The following PALS1 variants were observed in gnomAD, a reference collection of about 807,000 sequenced individuals.
The protein encoded by PALS1 is protein associated with LIN7 1, MAGUK p55 family member, also known as protein PALS1.
PALS1 carries 31 observed loss-of-function variants against 78.9 expected under a neutral mutation model. That is an observed-to-expected ratio of 0.39 (90% CI 0.30 to 0.53). The LOEUF is 0.53. Ranked by LOEUF, PALS1 falls within the 20% of genes least tolerant of loss-of-function variation. PALS1 has a pLI of 0.67. For missense variants in PALS1, 704 were observed against 826.5 expected (o/e 0.85, Z 1.82); for synonymous variants, 276 against 270.9 (o/e 1.02, Z -0.18).
At chr14:67,307,108 A>G (rs945315316) in intron 8 of PALS1, among the ~76,000 whole-genome samples, 1 of 152,236 alleles carries the variant, frequency 6.6e-6, no homozygotes, top group Non-Finnish European at 1.5e-5. Flanking sequence ...TATCACACAT[A>G]GCAATCAGTG....
At chr14:67,255,258 T>C (rs2140467068) in intron 1 of PALS1, among the ~76,000 whole-genome samples, 1 of 152,302 alleles carries the variant, frequency 6.6e-6, no homozygotes, top group South Asian at 2.1e-4. Context: ...AAAATCTGCA[T>C]GGAGTACATT....
At chr14:67,258,885 A>G (rs879083468) in intron 1 of PALS1, among the ~76,000 whole-genome samples, 11 of 152,042 alleles carry the variant, frequency 7.2e-5, no homozygotes, top group Non-Finnish European at 1.5e-4. Context: ...TCTGTTTCCC[A>G]GGCTAGAGTG....
chr14:67,302,245 T>G, intron 6 of PALS1, 127 bp downstream of exon 6: 1 of 1,192,346 alleles, frequency 8.4e-7, no homozygotes, highest in Non-Finnish European at 1.1e-6. Flanking sequence ...GGGGAAATGG[T>G]CAACTTTTAA....
rs1316763157 is a variant in PALS1 at position 67,334,275 on chromosome 14, A to G, written c.*1319A>G. 2.0e-5 allele frequency: 3 copies of G among 152,646 alleles called. No homozygotes were observed. Among genetic ancestry groups the G allele is most frequent in the African/African-American group, 7.2e-5 (3 of 41,462 alleles). 9.5% of individuals were successfully genotyped at this position (152,646 alleles called of 1,614,324 possible). On this transcript the variant is annotated 3_prime_UTR_variant, in exon 15 of 15. Coordinates refer to ENST00000261681, the MANE Select transcript of PALS1 (RefSeq NM_022474.4). ...CTAATAGGATTTTCGTACTGTCTCTATAGCTGTAGCTTTAAAATTCAACGT... is the reference window on the plus strand; with the variant it reads ...CTAATAGGATTTTCGTACTGTCTCTGTAGCTGTAGCTTTAAAATTCAACGT...
At chr14:67,317,543 T>G in intron 11 of PALS1, 64 bp downstream of exon 11, 1 of 1,132,964 alleles carries the variant, frequency 8.8e-7, no homozygotes, top group Non-Finnish European at 1.3e-6. Context: ...TAGTCCTGTT[T>G]TGCACCTTAA....
At chr14:67,267,062 T>C (rs911254681) in intron 1 of PALS1, among the ~76,000 whole-genome samples, 1 of 151,824 alleles carries the variant, frequency 6.6e-6, no homozygotes, top group Non-Finnish European at 1.5e-5. Context: ...GAGCCAAGAT[T>C]GTGCCACTGC....
rs2085525908 is a variant in PALS1, at chr14:67,335,946, T to TTTGA, written c.*2993_*2996dup. 2 of 152,206 alleles carry TTTGA rather than the reference T, an allele frequency of 1.3e-5. No individual in the cohort carries two copies. The highest frequency in any genetic ancestry group is 2.9e-5 in the Non-Finnish European group (2 of 68,052). 9.4% of individuals were successfully genotyped at this position (152,206 alleles called of 1,614,324 possible). The stretch of plus-strand genomic sequence containing the variant: ...CCTCCAGCTACAACACAAAATACTT[T>TTTGA]TTGATTTGTTCTTTACAGAGGGATA... On this transcript the variant is annotated 3_prime_UTR_variant, in exon 15 of 15. Coordinates refer to ENST00000261681, the MANE Select transcript of PALS1 (RefSeq NM_022474.4).
intron 14 of PALS1, among the ~76,000 whole-genome samples, chr14:67,329,352 G>T (rs544326793): frequency 1.3e-5 from 2 of 152,150 alleles, no homozygotes. Flanking sequence ...TGCTGAAGTT[G>T]CTTATCAGCT....
chr14:67,329,034 T>TGG (rs1237889958), intron 14 of PALS1, among the ~76,000 whole-genome samples: 1 of 152,216 alleles, frequency 6.6e-6, no homozygotes, highest in Admixed American at 6.5e-5. Context: ...GGTAGCTTGA[T>TGG]GGGGATGGCA....
chr14:67,280,752 T>A (rs28522922), intron 3 of PALS1, among the ~76,000 whole-genome samples: 23,268 of 151,494 alleles, frequency 0.15, 3,395 homozygotes, highest in East Asian at 0.42. Flanking sequence ...TATGCCAGAT[T>A]TGTTCCTCAT....
chr14:67,325,215 C>T (rs2085333644), intron 14 of PALS1, among the ~76,000 whole-genome samples: 1 of 152,090 alleles, frequency 6.6e-6, no homozygotes, highest in African/African-American at 2.4e-5. Context: ...TCCTTTCATT[C>T]TTGACTGTCC....
chr14:67,275,281 T>G (rs2084483964), intron 2 of PALS1, among the ~76,000 whole-genome samples: 2 of 152,234 alleles, frequency 1.3e-5, no homozygotes, highest in South Asian at 4.1e-4. Flanking sequence ...CTTATTATTT[T>G]GAGATACATT....
chr14:67,288,617 C>T (rs114127099), intron 3 of PALS1, among the ~76,000 whole-genome samples: 1 of 152,078 alleles, frequency 6.6e-6, no homozygotes, highest in Non-Finnish European at 1.5e-5. Context: ...TTTATAATTT[C>T]TTTTTCTTAT....
intron 1 of PALS1, among the ~76,000 whole-genome samples, chr14:67,242,650 T>A (rs1210919877): frequency 6.6e-6 from 1 of 152,018 alleles, no homozygotes; most frequent in Non-Finnish European, 1.5e-5. Flanking sequence ...ACTAGATCCC[T>A]GTGGACATAG....
At chr14:67,248,052 C>T (rs986419211) in intron 1 of PALS1, among the ~76,000 whole-genome samples, 1 of 151,954 alleles carries the variant, frequency 6.6e-6, no homozygotes, top group Admixed American at 6.6e-5. Flanking sequence ...TTATCATATG[C>T]CTTTTCTGCA....
At chr14:67,243,130 C>T (rs998676299) in intron 1 of PALS1, among the ~76,000 whole-genome samples, 1 of 151,894 alleles carries the variant, frequency 6.6e-6, no homozygotes, top group Admixed American at 6.6e-5. Flanking sequence ...TTTCTGATTT[C>T]AGAGTGTCTA....
At chr14:67,318,782 G>A (rs1215518684) in intron 11 of PALS1, among the ~76,000 whole-genome samples, 1 of 152,174 alleles carries the variant, frequency 6.6e-6, no homozygotes, top group South Asian at 2.1e-4. Context: ...ATTAGGCCGG[G>A]CGCGGTGGGT....
rs144831089 is a variant in PALS1, at chr14:67,265,814, G to A, written c.-236-3887G>A. 3.9e-3 allele frequency among the ~76,000 whole-genome samples: 580 copies of A among 147,572 alleles called. 18 individuals are homozygous for A. In the East Asian group the frequency reaches 0.056, roughly 14 times the overall value. On this transcript the variant is annotated intron_variant, in intron 1 of 14. Transcript: ENST00000261681. The stretch of plus-strand genomic sequence containing the variant: ...GGCAGTTGTGGTGAGCCAAAATCGC[G>A]CCACTGCACTCCAGCCTGGGTGACA...
intron 1 of PALS1, among the ~76,000 whole-genome samples, chr14:67,254,723 A>C (rs551834379): frequency 1.0e-3 from 159 of 152,216 alleles, no homozygotes; most frequent in African/African-American, 3.6e-3. Context: ...CTATCCCCCC[A>C]CCTGCCTTTA....
Sources: gnomAD v4.1 joint callset for allele counts (sites outside exome capture counted in the v4.1 genomes callset) on GRCh38, gnomAD v4.1.1 for gene constraint, MANE v1.5 for transcripts, NCBI Gene and HGNC (gene_info 2026-07-23, HGNC 2026-07-21) for gene names.